ZNF592: variants seen among roughly 807,000 people sequenced by gnomAD.
ZNF592 encodes the protein spinocerebellar ataxia, autosomal recessive 5.
A neutral mutation model predicts 80.3 loss-of-function variants in ZNF592; 11 were observed. That is an observed-to-expected ratio of 0.14 (90% CI 0.09 to 0.23). The LOEUF (loss-of-function observed/expected upper bound fraction) is 0.23, where lower values mean the gene tolerates loss of function less well. Among genes scored for constraint, ZNF592 ranks in the 10% least tolerant of loss-of-function variants. ZNF592 has a pLI of 1.00. For synonymous variants in ZNF592, 646 were observed against 640.3 expected, an observed-to-expected ratio of 1.01 and a Z score of -0.13; for missense variants, 1,420 against 1,633.9, an observed-to-expected ratio of 0.87 and a Z score of 2.26.
At chr15:84,773,507 G>A (rs896372194) in intron 2 of ZNF592, among the ~76,000 whole-genome samples, 2 of 151,842 alleles carry the variant, frequency 1.3e-5, no homozygotes, top group East Asian at 3.9e-4. Context: ...CATCGCGCCC[G>A]GCCCCCACCA....
chr15:84,784,925 G>C lies in ZNF592; in HGVS notation c.2220+30G>C. The stretch of plus-strand genomic sequence containing the variant: ...GCAGACCCTCACTGTTACGGGTATC[G>C]GGCCCCTGGCTCACACAGGTTCCAT... On this transcript the variant is annotated intron_variant, in intron 4 of 10. Coordinates refer to ENST00000560079, the MANE Select transcript of ZNF592 (RefSeq NM_014630.3). This position sits in a 1 kb window ranked among gnomAD's most constrained non-coding sequence, Gnocchi z 5.8. 6.2e-7 allele frequency: 1 copy of C among 1,613,564 alleles called. No homozygotes were observed. The highest frequency in any genetic ancestry group is 8.5e-7 in the Non-Finnish European group (1 of 1,179,822).
At chr15:84,765,963 T>G (rs989445622) in intron 2 of ZNF592, among the ~76,000 whole-genome samples, 2 of 152,098 alleles carry the variant, frequency 1.3e-5, no homozygotes, top group African/African-American at 4.8e-5. Flanking sequence ...GATAAACCTC[T>G]GTGTACTCAC....
chr15:84,757,730 C>T (rs1899219742), intron 1 of ZNF592, among the ~76,000 whole-genome samples: 1 of 151,202 alleles, frequency 6.6e-6, no homozygotes, highest in African/African-American at 2.4e-5. Context: ...ATGATCTCAG[C>T]TCACTGCAAC....
intron 1 of ZNF592, among the ~76,000 whole-genome samples, chr15:84,759,969 CCT>C (rs1567059575): frequency 0.02 from 1,680 of 83,240 alleles, 77 homozygotes; most frequent in East Asian, 0.07. Flanking sequence ...CCCCCCCCAC[CCT>C]GCCATTTAAA....
At chr15:84,761,146 A>G (rs1205924484) in intron 1 of ZNF592, among the ~76,000 whole-genome samples, 2 of 152,018 alleles carry the variant, frequency 1.3e-5, no homozygotes, top group Non-Finnish European at 2.9e-5. Flanking sequence ...TTGTATTTTT[A>G]GTAGAGATGG....
In ZNF592 at chr15:84,798,305, G is replaced by C; in HGVS notation, c.2577-10G>C. The C allele has an allele frequency of 6.2e-7, 1 of 1,614,156 alleles. No individual in the cohort carries two copies. The highest frequency in any genetic ancestry group is 8.5e-7 in the Non-Finnish European group (1 of 1,180,038). On this transcript the variant is annotated splice_polypyrimidine_tract_variant and intron_variant, in intron 6 of 10. Transcript: ENST00000560079. This position sits in a 1 kb window ranked among gnomAD's most constrained non-coding sequence, Gnocchi z 4.5. The stretch of plus-strand genomic sequence containing the variant: ...TTGGCCACCTCACCCCCTAGGGCTT[G>C]TCTCATCAGGCTCATTTATAAGTGC...
At position 84,762,275 on chromosome 15, in the gene ZNF592, GGA is replaced by G. The variant is rs1293890865; in HGVS notation, c.-258-2429_-258-2428del. Among the ~76,000 whole-genome samples the G allele has an allele frequency of 9.2e-5, 14 of 152,292 alleles. No individual in the cohort carries two copies. In the East Asian group the frequency reaches 2.5e-3, roughly 27 times the overall value. On this transcript the variant is annotated intron_variant, in intron 1 of 10. Coordinates refer to ENST00000560079, the MANE Select transcript of ZNF592 (RefSeq NM_014630.3). ...TATAAGAGATGGTGAAAAGTGTTAT[GGA>G]GAAAAATGAAGCAGGCTTGGTGGAT...
chr15:84,754,592 G>C (rs1899109853), intron 1 of ZNF592: 1 of 151,114 alleles, frequency 6.6e-6, no homozygotes, highest in South Asian at 2.1e-4. Flanking sequence ...GTGGGGCCCG[G>C]CATGGTGGTT....
rs903111906 is a variant in ZNF592, at chr15:84,789,887, A to G, written c.2221-818A>G. 1.1e-4 allele frequency among the ~76,000 whole-genome samples: 16 copies of G among 152,310 alleles called. No individual in the cohort carries two copies. In the East Asian group the frequency reaches 3.1e-3, roughly 29 times the overall value. On this transcript the variant is annotated intron_variant, in intron 4 of 10. Transcript: ENST00000560079. ...AGAAGGGCCTCTCCAGCATGCAGGCACCAGCGAAGTCTTTTACTTTTTCCC... is the reference window on the plus strand; with the variant it reads ...AGAAGGGCCTCTCCAGCATGCAGGCGCCAGCGAAGTCTTTTACTTTTTCCC...
At chr15:84,751,532 T>C (rs1193434973) in intron 1 of ZNF592, among the ~76,000 whole-genome samples, 1 of 152,232 alleles carries the variant, frequency 6.6e-6, no homozygotes, top group African/African-American at 2.4e-5. Context: ...GATTAAGTCA[T>C]GTAAACAGTT....
At chr15:84,756,587 G>A (rs764915785) in intron 1 of ZNF592, among the ~76,000 whole-genome samples, 104 of 152,300 alleles carry the variant, frequency 6.8e-4, no homozygotes, top group African/African-American at 1.9e-3. Flanking sequence ...GCTTGGCCCA[G>A]CCAAAGCTCT....
At chr15:84,758,511 C>G (rs1292493948) in intron 1 of ZNF592, among the ~76,000 whole-genome samples, 1 of 152,104 alleles carries the variant, frequency 6.6e-6, no homozygotes. Flanking sequence ...TCTTGAACTC[C>G]TGAGCTAGGC....
rs968719382 is a variant in ZNF592 at position 84,785,010 on chromosome 15, T to C, written c.2220+115T>C. ...GGGCAGTGGTGGAATCTTATGAGTC[T>C]TAGAAGAGGATGTCTGCCTGAATAT... On this transcript the variant is annotated intron_variant, in intron 4 of 10. Transcript: ENST00000560079. 9.0e-6 allele frequency: 11 copies of C among 1,222,808 alleles called. No individual in the cohort carries two copies. The Admixed American group carries it at 1.3e-4, about 14-fold the overall frequency. The allele number at this position is 1,222,808 out of a possible 1,614,324, so 75.7% of individuals were successfully genotyped here.
At chr15:84,751,922 AAAC>A (rs1188752985) in intron 1 of ZNF592, among the ~76,000 whole-genome samples, 1 of 151,868 alleles carries the variant, frequency 6.6e-6, no homozygotes, top group Admixed American at 6.6e-5. Context: ...AAACAAACGA[AAAC>A]AACAACAACA....
chr15:84,776,339 T>C (rs9920528), intron 2 of ZNF592, among the ~76,000 whole-genome samples: 128,518 of 152,350 alleles, frequency 0.84, 54,671 homozygotes, highest in African/African-American at 0.96. Context: ...AGGTTATAGA[T>C]ACTGGTGTAT....
chr15:84,761,343 A>G (rs1899345086), intron 1 of ZNF592, among the ~76,000 whole-genome samples: 1 of 152,174 alleles, frequency 6.6e-6, no homozygotes, highest in South Asian at 2.1e-4. Flanking sequence ...AATTTGCAGG[A>G]TGACCAAGTA....
At chr15:84,769,727 G>T (rs1168027170) in intron 2 of ZNF592, among the ~76,000 whole-genome samples, 1 of 152,128 alleles carries the variant, frequency 6.6e-6, no homozygotes, top group Non-Finnish European at 1.5e-5. Context: ...TTTGAAGAGA[G>T]TAGGGACATG....
intron 2 of ZNF592, among the ~76,000 whole-genome samples, chr15:84,773,822 T>G (rs1056105995): frequency 2.0e-5 from 3 of 152,174 alleles, no homozygotes; most frequent in African/African-American, 7.2e-5. Flanking sequence ...ATCTCTGAGA[T>G]TTCGCAGGAC....
At chr15:84,762,466 A>C (rs1899380315) in intron 1 of ZNF592, among the ~76,000 whole-genome samples, 2 of 152,222 alleles carry the variant, frequency 1.3e-5, no homozygotes, top group South Asian at 4.1e-4. Context: ...CAAGTGCAAA[A>C]GCCCTTCAGG....
Sources: allele counts gnomAD v4.1 joint callset (sites outside exome capture counted in the v4.1 genomes callset), GRCh38; gene constraint gnomAD v4.1.1; non-coding constraint Gnocchi (gnomAD v3.1); transcripts MANE v1.5; gene names NCBI Gene and HGNC (gene_info 2026-07-23, HGNC 2026-07-21).